The following LRP1 variants were observed in gnomAD, a reference collection of about 807,000 sequenced individuals.
The protein encoded by LRP1 is LDL receptor related protein 1.
A neutral mutation model predicts 541.5 loss-of-function variants in LRP1; 51 were observed. That is an observed-to-expected ratio of 0.09 (90% CI 0.08 to 0.12). The LOEUF is 0.12. LRP1 is among the 10% of genes least tolerant of loss of function. LRP1 has a pLI of 1.00. For synonymous variants in LRP1, 2,219 were observed against 2,470.8 expected (o/e 0.90, Z 3.02); for missense variants, 3,878 against 6,376.2 (o/e 0.61, Z 13.34).
chr12:57,187,541 T>A, intron 42 of LRP1, 85 bp downstream of exon 42: 1 of 1,374,314 alleles, frequency 7.3e-7, no homozygotes, highest in Non-Finnish European at 9.9e-7. Flanking sequence ...CAAGCGGGGG[T>A]GCAGGAGAGG....
In LRP1 at chr12:57,198,927, G is replaced by A. The variant is rs574419125; in HGVS notation, c.9676+257G>A. Reference sequence around the variant, plus strand: ...AGTTCTGGAGGACTGGCCCCAAGGAGGGTGGGGGTGGGAGGCCTGCGATTG... The same window carrying A: ...AGTTCTGGAGGACTGGCCCCAAGGAAGGTGGGGGTGGGAGGCCTGCGATTG... On this transcript the variant is annotated intron_variant, in intron 60 of 88. Transcript: ENST00000243077. 7.2e-5 allele frequency among the ~76,000 whole-genome samples: 11 copies of A among 152,344 alleles called. No individual in the cohort carries two copies. The South Asian group carries it at 2.1e-3, about 29-fold the overall frequency.
Position 57,179,214 on chromosome 12 carries a change from G to A in LRP1, c.4739-115G>A, listed in dbSNP as rs2036110918. On this transcript the variant is annotated intron_variant, in intron 28 of 88. Coordinates refer to ENST00000243077, the MANE Select transcript of LRP1 (RefSeq NM_002332.3). This position sits in a 1 kb window ranked among gnomAD's most constrained non-coding sequence, Gnocchi z 6.8. ...GCTGCACCCAGCGGGGTATGTCCAC[G>A]GAGCCAAGGGCCAGTAGCAAACAGA... The A allele has an allele frequency of 1.0e-5, 12 of 1,158,718 alleles. No homozygotes were observed. The highest frequency in any genetic ancestry group is 4.6e-5 in the African/African-American group (3 of 65,488). 71.8% of individuals were successfully genotyped at this position (1,158,718 alleles called of 1,614,324 possible). A position where few individuals can be genotyped will look rare whatever the true frequency, so the allele number is the denominator to read the frequency against.
chr12:57,179,614 C>T lies in LRP1; in HGVS notation c.4966+58C>T. The T allele has an allele frequency of 6.6e-7, 1 of 1,516,408 alleles. No homozygotes were observed. Among genetic ancestry groups the T allele is most frequent in the Non-Finnish European group, 9.1e-7 (1 of 1,096,368 alleles). 93.9% of individuals were successfully genotyped at this position (1,516,408 alleles called of 1,614,324 possible). The stretch of plus-strand genomic sequence containing the variant: ...CATGGGCACCTCCACCCGCCCCTTG[C>T]TCCCAACCCTGGTCTACTTGGTCCG... On this transcript the variant is annotated intron_variant, in intron 29 of 88. Coordinates refer to ENST00000243077, the MANE Select transcript of LRP1 (RefSeq NM_002332.3). This position sits in a 1 kb window ranked among gnomAD's most constrained non-coding sequence, Gnocchi z 6.8.
intron 70 of LRP1, 160 bp downstream of exon 70, chr12:57,203,681 G>A: frequency 1.0e-6 from 1 of 962,724 alleles, no homozygotes; most frequent in African/African-American, 1.7e-5. Context: ...AGGTGTTAGG[G>A]ACGTAGTAGT....
rs771751249 is a variant in LRP1 at position 57,199,437 on chromosome 12, G to A, written c.9865+37G>A. The A allele has an allele frequency of 9.1e-5, 144 of 1,590,982 alleles. 1 individual carries two copies. Among genetic ancestry groups the A allele is most frequent in the Non-Finnish European group, 1.2e-4 (135 of 1,169,560 alleles). ...AGGGGTGGGAGCAGGCGAACGGTGA[G>A]CCAGGCACCGGGGTCCCTGGGAGTT... On this transcript the variant is annotated intron_variant, in intron 61 of 88. Transcript: ENST00000243077.
intron 33 of LRP1, 23 bp downstream of exon 33, chr12:57,180,830 G>C (rs370820477): frequency 1.2e-6 from 2 of 1,611,588 alleles, no homozygotes; most frequent in Middle Eastern, 1.7e-4. Context: ...CCGGGCGGCC[G>C]CTGGGGGCTC....
At position 57,185,729 on chromosome 12, in the gene LRP1, A is replaced by G; in HGVS notation, c.6662A>G (p.Asn2221Ser). Residue 2221 changes from asparagine to serine, a missense_variant, in exon 41 of 89, where the codon AAT becomes AGT. Physicochemically the swap from Asn to Ser is conservative, Grantham distance 46. Coordinates refer to ENST00000243077, the MANE Select transcript of LRP1 (RefSeq NM_002332.3). The surrounding 1 kb of genome is among the most constrained non-coding windows in gnomAD (Gnocchi z 4.9). ...SIHLSDERNLNAPVQPFEDPE... is the reference protein window; with the variant it reads ...SIHLSDERNLSAPVQPFEDPE... ...CACCTGTCGGATGAGCGCAACCTCA[A>G]TGCGCCCGTGCAGCCCTTCGAGGAC... is the stretch of plus-strand genomic sequence containing the variant. The G allele has an allele frequency of 1.2e-6, 2 of 1,614,066 alleles. No individual in the cohort carries two copies. Among genetic ancestry groups the G allele is most frequent in the Non-Finnish European group, 8.5e-7 (1 of 1,179,970 alleles).
chr12:57,194,173 G>GC (rs1485763402), intron 48 of LRP1, among the ~76,000 whole-genome samples, 161 bp downstream of exon 48: 4 of 152,188 alleles, frequency 2.6e-5, no homozygotes, highest in Non-Finnish European at 5.9e-5. Flanking sequence ...TCCCGCTCCT[G>GC]CTCCTGGGCT....
chr12:57,199,637 C>T (rs2036606631), intron 61 of LRP1, among the ~76,000 whole-genome samples: 1 of 152,122 alleles, frequency 6.6e-6, no homozygotes, highest in South Asian at 2.1e-4. Flanking sequence ...GGTCTGGGTG[C>T]CCAGCCCCCA....
intron 22 of LRP1, 79 bp from the exon 23 acceptor site, chr12:57,175,381 T>TTGGG: frequency 1.3e-6 from 2 of 1,571,770 alleles, no homozygotes; most frequent in Non-Finnish European, 1.7e-6. Context: ...TGCCCAGGAC[T>TTGGG]TGGGGCCCAG....
At chr12:57,187,520 C>T in intron 42 of LRP1, 64 bp downstream of exon 42, 1 of 1,510,272 alleles carries the variant, frequency 6.6e-7, no homozygotes, top group Admixed American at 1.9e-5. Flanking sequence ...CAGAAACTCC[C>T]CAGGCAGATC....
At chr12:57,148,895 C>T (rs1167606433) in intron 6 of LRP1, 6 of 546,634 alleles carry the variant, frequency 1.1e-5, no homozygotes, top group Non-Finnish European at 2.0e-5. Flanking sequence ...CTGCAGGCAG[C>T]AAGGTTGCGA....
intron 52 of LRP1, 100 bp downstream of exon 52, chr12:57,195,499 G>A (rs1565747161): frequency 1.3e-6 from 2 of 1,572,362 alleles, no homozygotes; most frequent in Non-Finnish European, 1.7e-6. Flanking sequence ...TGCCTCAGCG[G>A]GGTCCACTGG....
At chr12:57,193,456 C>A in intron 46 of LRP1, 110 bp from the exon 47 acceptor site, 1 of 1,517,114 alleles carries the variant, frequency 6.6e-7, no homozygotes, top group African/African-American at 1.4e-5. Flanking sequence ...TTAGCCTGGA[C>A]TGGGCCTTTG....
chr12:57,173,714 T>C lies in LRP1; in HGVS notation c.3347-66T>C. ...CCCTATTAGAGAAGCCCACAGGGTC[T>C]GGAAGGAAGGGCAGGGGGAGCCCCA... is the stretch of plus-strand genomic sequence containing the variant. On this transcript the variant is annotated intron_variant, in intron 21 of 88. Coordinates refer to ENST00000243077, the MANE Select transcript of LRP1 (RefSeq NM_002332.3). The surrounding 1 kb of genome is among the most constrained non-coding windows in gnomAD (Gnocchi z 4.7). 6.5e-7 allele frequency: 1 copy of C among 1,543,466 alleles called. No individual in the cohort carries two copies. The highest frequency in any genetic ancestry group is 9.0e-7 in the Non-Finnish European group (1 of 1,116,904).
At position 57,208,795 on chromosome 12, in the gene LRP1, G is replaced by A. The variant is rs2036844020; in HGVS notation, c.12123G>A (p.Gln4041=). 6.2e-7 allele frequency: 1 copy of A among 1,614,078 alleles called. No homozygotes were observed. The highest frequency in any genetic ancestry group is 8.5e-7 in the Non-Finnish European group (1 of 1,179,982). Reference sequence around the variant, plus strand: ...GGACGCTTCGGGAGACACTGGTGCAGGACAACATTCAGTGGCCCACAGGTT... The same window carrying A: ...GGACGCTTCGGGAGACACTGGTGCAAGACAACATTCAGTGGCCCACAGGTT... ...MDGTLRETLV[Q]DNIQWPTGLA... The change falls in exon 78 of 89, where the codon CAG becomes CAA. Residue 4041 remains glutamine, a synonymous_variant. Transcript: ENST00000243077.
At chr12:57,186,164 C>T (rs1295305671) in intron 41 of LRP1, among the ~76,000 whole-genome samples, 2 of 152,198 alleles carry the variant, frequency 1.3e-5, no homozygotes, top group Admixed American at 6.5e-5. Context: ...TGGAGCCCAA[C>T]GCTCACAAAC....
In LRP1 at chr12:57,205,472, GC is replaced by G. The variant is rs750114997; in HGVS notation, c.11460del (p.Gly3821AspfsTer34). ...RSGFHTVPGQPGCQDINECLR... is the reference protein window; with the variant it reads ...RSGFHTVPGQXGCQDINECLR... Reference sequence around the variant, plus strand: ...CGGGCTTCCACACCGTGCCCGGCCAGCCCGGATGCCAAGGTAGGAAAGCGGG... The same window carrying G: ...CGGGCTTCCACACCGTGCCCGGCCAGCCGGATGCCAAGGTAGGAAAGCGGG... On this transcript the variant is annotated frameshift_variant, in exon 74 of 89. Coordinates refer to ENST00000243077, the MANE Select transcript of LRP1 (RefSeq NM_002332.3). LOFTEE classifies it high-confidence loss of function. The surrounding 1 kb of genome is among the most constrained non-coding windows in gnomAD (Gnocchi z 4.6). 6.2e-7 allele frequency: 1 copy of G among 1,610,926 alleles called. No homozygotes were observed. Among genetic ancestry groups the G allele is most frequent in the Non-Finnish European group, 8.5e-7 (1 of 1,178,214 alleles).
At chr12:57,163,869 T>C (rs1345400006) in intron 15 of LRP1, among the ~76,000 whole-genome samples, 1 of 152,172 alleles carries the variant, frequency 6.6e-6, no homozygotes, top group African/African-American at 2.4e-5. Context: ...GTTGTGTTCA[T>C]TGTAAAACGG....
Sources: gnomAD v4.1 joint callset for allele counts (sites outside exome capture counted in the v4.1 genomes callset) on GRCh38, gnomAD v4.1.1 for gene constraint, Gnocchi (gnomAD v3.1) non-coding constraint, MANE v1.5 for transcripts, NCBI Gene and HGNC (gene_info 2026-07-23, HGNC 2026-07-21) for gene names.